Variants in FRMD3 observed in about 807,000 individuals in gnomAD.
FRMD3 encodes the protein FERM domain-containing protein 3.
In FRMD3, 33 loss-of-function variants were observed where a neutral mutation model predicts 70.2. That is an observed-to-expected ratio of 0.47 (90% CI 0.36 to 0.63). The LOEUF (loss-of-function observed/expected upper bound fraction) is 0.63. Ranked by LOEUF, FRMD3 falls within the 20% of genes least tolerant of loss-of-function variation. The pLI, the probability that FRMD3 is intolerant of heterozygous loss-of-function variation, is 0.00. For missense variants in FRMD3, 632 were observed against 711.4 expected, an observed-to-expected ratio of 0.89 and a Z score of 1.27; for synonymous variants, 279 against 255.9, an observed-to-expected ratio of 1.09 and a Z score of -0.86.
rs117604582 is a variant in FRMD3, at chr9:83,252,248, A to T, written c.1196-3732T>A. ...TCTTAAAGAAAAGAACTTCCAACCC[A>T]GAATTTCATCTTTGGCCAAACTAAG... On this transcript the variant is annotated intron_variant, in intron 13 of 13. Transcript: ENST00000304195. Among the ~76,000 whole-genome samples the T allele has an allele frequency of 1.8e-3, 278 of 152,328 alleles. 6 individuals carry two copies. The South Asian group carries it at 0.024, about 13-fold the overall frequency.
chr9:83,464,649 C>T (rs1410815783), intron 1 of FRMD3, among the ~76,000 whole-genome samples: 2 of 152,108 alleles, frequency 1.3e-5, no homozygotes, highest in African/African-American at 4.8e-5. Context: ...TGGTGGACAC[C>T]TCGTTCCTGG....
Position 83,283,240 on chromosome 9 carries a change from A to G in FRMD3, c.1195+7363T>C, listed in dbSNP as rs532854053. On this transcript the variant is annotated intron_variant, in intron 13 of 13. Transcript: ENST00000304195. ...CTGTGATGCTGTCTTCAAGAATCCA[A>G]TAGGTGTTGGCCGGGCGCGGTGGTT... 1.4e-4 allele frequency among the ~76,000 whole-genome samples: 21 copies of G among 152,170 alleles called. 1 individual carries two copies. In the East Asian group the frequency reaches 3.5e-3, roughly 25 times the overall value.
intron 1 of FRMD3, among the ~76,000 whole-genome samples, chr9:83,490,944 G>A (rs187870522): frequency 1.3e-5 from 2 of 152,110 alleles, no homozygotes; most frequent in East Asian, 1.9e-4. Flanking sequence ...TGAGCTCAAG[G>A]TTTCATAAGA....
chr9:83,355,829 A>G (rs1256257689), intron 3 of FRMD3, among the ~76,000 whole-genome samples: 2 of 152,220 alleles, frequency 1.3e-5, no homozygotes, highest in Non-Finnish European at 1.5e-5. Flanking sequence ...AAAACAGAGC[A>G]TACCACCAGA....
At chr9:83,261,102 G>GAGACACACACAC in intron 13 of FRMD3, among the ~76,000 whole-genome samples, 1 of 133,156 alleles carries the variant, frequency 7.5e-6, no homozygotes, top group South Asian at 2.7e-4. Context: ...AGGAAACTTA[G>GAGACACACACAC]ACACACACAC....
At chr9:83,560,001 C>T in the FRMD3 span, among the ~76,000 whole-genome samples, 2 of 151,984 alleles carry the variant, frequency 1.3e-5, no homozygotes, top group African/African-American at 2.4e-5. Context: ...CCAATGCATC[C>T]CCGTGTGCTT....
Position 83,247,907 on chromosome 9 carries a change from A to G in FRMD3, c.*11T>C, listed in dbSNP as rs376141164. On this transcript the variant is annotated 3_prime_UTR_variant, in exon 14 of 14. Transcript: ENST00000304195. Reference sequence around the variant, plus strand: ...ATTGAATATAGCCCTTAGTCACGTGAGAGATTAACTTCATGAGCAACCCAG... The same window carrying G: ...ATTGAATATAGCCCTTAGTCACGTGGGAGATTAACTTCATGAGCAACCCAG... 1.9e-6 allele frequency: 3 copies of G among 1,611,878 alleles called. No homozygotes were observed. Among genetic ancestry groups the G allele is most frequent in the African/African-American group, 1.3e-5 (1 of 74,894 alleles).
At chr9:83,244,451 G>A (rs770327698), downstream of FRMD3, among the ~76,000 whole-genome samples, 3 of 151,536 alleles carry the variant, frequency 2.0e-5, no homozygotes, top group Admixed American at 6.6e-5. Context: ...CTTTGGGCCT[G>A]GATGACTTCT....
chr9:83,585,289 G>T, the FRMD3 span, among the ~76,000 whole-genome samples: 2,951 of 152,276 alleles, frequency 0.019, 97 homozygotes, highest in African/African-American at 0.066. Flanking sequence ...GAGCAGCCAG[G>T]ACCAAAGGCT....
rs192846389 is a variant in FRMD3 at position 83,340,551 on chromosome 9, T to C, written c.472+2639A>G. On this transcript the variant is annotated intron_variant, in intron 5 of 13. Transcript: ENST00000304195. The stretch of plus-strand genomic sequence containing the variant: ...TCAAGATTTCTACAGGGGTTGAACA[T>C]ACCAGGCAGAGGAGATAAGTTGAAT... Among the ~76,000 whole-genome samples, 208 of 152,306 alleles carry C rather than the reference T, an allele frequency of 1.4e-3. 1 individual carries two copies. The highest frequency in any genetic ancestry group is 4.5e-3 in the African/African-American group (186 of 41,564).
chr9:83,524,770 C>T (rs1048325543), intron 1 of FRMD3, among the ~76,000 whole-genome samples: 2 of 152,026 alleles, frequency 1.3e-5, no homozygotes, highest in Non-Finnish European at 2.9e-5. Context: ...TTATTATACT[C>T]GAGGATATCA....
intron 1 of FRMD3, among the ~76,000 whole-genome samples, chr9:83,493,010 G>C (rs1828864516): frequency 6.6e-6 from 1 of 152,128 alleles, no homozygotes; most frequent in African/African-American, 2.4e-5. Flanking sequence ...GATGCCTCCA[G>C]CTTTACAAAT....
the FRMD3 span, among the ~76,000 whole-genome samples, chr9:83,554,226 A>G: frequency 1.3e-5 from 2 of 152,076 alleles, no homozygotes; most frequent in South Asian, 4.1e-4. Flanking sequence ...TGGCTCCCCT[A>G]TGTTTCCTCA....
chr9:83,448,761 A>C (rs941600831), intron 1 of FRMD3, among the ~76,000 whole-genome samples: 1 of 152,192 alleles, frequency 6.6e-6, no homozygotes, highest in African/African-American at 2.4e-5. Flanking sequence ...AAACCTTCAA[A>C]GCCTCTAGCC....
the FRMD3 span, among the ~76,000 whole-genome samples, chr9:83,563,694 T>C: frequency 4.6e-5 from 7 of 152,176 alleles, no homozygotes; most frequent in Non-Finnish European, 7.3e-5. Context: ...CCAGCTCACG[T>C]AGGACATGCT....
At chr9:83,384,301 CT>C (rs1564051212) in intron 2 of FRMD3, among the ~76,000 whole-genome samples, 1 of 152,168 alleles carries the variant, frequency 6.6e-6, no homozygotes, top group Non-Finnish European at 1.5e-5. Context: ...ACTCTTGCTC[CT>C]AGTGATGAGC....
At chr9:83,306,179 T>G (rs1213220828) in intron 10 of FRMD3, among the ~76,000 whole-genome samples, 1 of 152,222 alleles carries the variant, frequency 6.6e-6, no homozygotes, top group Non-Finnish European at 1.5e-5. Flanking sequence ...ACCCAGTGAT[T>G]TCACTAAAGT....
intron 1 of FRMD3, among the ~76,000 whole-genome samples, chr9:83,512,486 TA>T (rs1326170672): frequency 6.6e-6 from 1 of 152,176 alleles, no homozygotes; most frequent in Non-Finnish European, 1.5e-5. Flanking sequence ...CTTGGGGCAT[TA>T]AAACTTTGTT....
chr9:83,507,734 A>ATG (rs1405551994), intron 1 of FRMD3, among the ~76,000 whole-genome samples: 1 of 114,938 alleles, frequency 8.7e-6, no homozygotes, highest in South Asian at 2.9e-4. Flanking sequence ...ATATATATAT[A>ATG]TATATCTTCT....
Sources: allele counts gnomAD v4.1 joint callset (sites outside exome capture counted in the v4.1 genomes callset), GRCh38; gene constraint gnomAD v4.1.1; transcripts MANE v1.5; gene names NCBI Gene and HGNC (gene_info 2026-07-23, HGNC 2026-07-21).